The following FAT4 variants were observed in gnomAD, a reference collection of about 807,000 sequenced individuals.
The protein encoded by FAT4 is protocadherin Fat 4.
FAT4 carries 84 observed loss-of-function variants against 303.9 expected under a neutral mutation model. That is an observed-to-expected ratio of 0.28 (90% CI 0.23 to 0.33). The LOEUF (loss-of-function observed/expected upper bound fraction) is 0.33. Among genes scored for constraint, FAT4 ranks in the 10% least tolerant of loss-of-function variants. The pLI is 1.00. For synonymous variants in FAT4, 2,307 were observed against 2,298.8 expected, an observed-to-expected ratio of 1.00 and a Z score of -0.10; for missense variants, 6,005 against 6,146.8, an observed-to-expected ratio of 0.98 and a Z score of 0.77.
rs779545626 is a variant in FAT4, at chr4:125,321,184, G to A, written c.4773G>A (p.Val1591=). The A allele has an allele frequency of 5.5e-5, 88 of 1,614,020 alleles. No individual in the cohort carries two copies. The highest frequency in any genetic ancestry group is 6.7e-5 in the Admixed American group (4 of 60,004). Reference sequence around the variant, plus strand: ...ACCTGAGAGTGGCTTCAGCGTTGGTGCCTTCACAGTTGATCTACAATCTCA... The same window carrying A: ...ACCTGAGAGTGGCTTCAGCGTTGGTACCTTCACAGTTGATCTACAATCTCA... ...SGDLRVASAL[V]PSQLIYNLIV... is the part of the protein sequence containing the mutation. The change falls in exon 2 of 18, where the codon GTG becomes GTA. Residue 1591 remains valine (V), a synonymous_variant. Coordinates refer to ENST00000394329, the MANE Select transcript of FAT4 (RefSeq NM_001291303.3).
Position 125,479,769 on chromosome 4 carries a change from C to T in FAT4, c.12508C>T (p.Arg4170Cys), listed in dbSNP as rs540573222. The stretch of plus-strand genomic sequence containing the variant: ...CCCTAGGCTGGAAGGCGCTTGTACT[C>T]GCAGCCCATGCCAACATGGTGGCAC... ...QCPRLEGACT[R>C]SPCQHGGTCM... Residue 4170 changes from arginine to cysteine, a missense_variant, in exon 15 of 18, where the codon CGC becomes TGC. By Grantham distance (180) the Arg-to-Cys change is radical. Transcript: ENST00000394329. 31 of 1,598,258 alleles carry T rather than the reference C, an allele frequency of 1.9e-5. No homozygotes were observed. Among genetic ancestry groups the T allele is most frequent in the East Asian group, 8.9e-5 (4 of 44,806 alleles).
intron 3 of FAT4, among the ~76,000 whole-genome samples, chr4:125,403,246 C>T (rs1404198979): frequency 6.6e-6 from 1 of 152,054 alleles, no homozygotes; most frequent in East Asian, 1.9e-4. Flanking sequence ...TCCCAGTGTA[C>T]AGATGAGGAA....
chr4:125,491,331 G>C lies in FAT4; in HGVS notation c.14515G>C (p.Glu4839Gln). The change falls in exon 18 of 18, where the codon GAA (glutamate) becomes CAA (glutamine). Residue 4839 changes from glutamate to glutamine, a missense_variant. Transcript: ENST00000394329. ...TCCAGCGGATGGCATTCCAGCTCCA[G>C]AATCCTCTTCTGATAGTGACTCCCA... ...RNPADGIPAP[E>Q]SSSDSDSHES... 1 of 1,614,184 alleles carries C rather than the reference G, an allele frequency of 6.2e-7. No homozygotes were observed. The highest frequency in any genetic ancestry group is 8.5e-7 in the Non-Finnish European group (1 of 1,180,030).
In FAT4 at chr4:125,455,410, C is replaced by T. The variant is rs537760801; in HGVS notation, c.11800+2600C>T. Among the ~76,000 whole-genome samples the T allele has an allele frequency of 3.3e-5, 5 of 152,154 alleles. No individual in the cohort carries two copies. The South Asian group carries it at 8.3e-4, about 25-fold the overall frequency. ...GTGATAGTTGAAACTCTTAAAAATGCCTTTCCTTACATCATAAAATATTAA... is the reference window on the plus strand; with the variant it reads ...GTGATAGTTGAAACTCTTAAAAATGTCTTTCCTTACATCATAAAATATTAA... On this transcript the variant is annotated intron_variant, in intron 10 of 17. Coordinates refer to ENST00000394329, the MANE Select transcript of FAT4 (RefSeq NM_001291303.3).
intron 6 of FAT4, among the ~76,000 whole-genome samples, chr4:125,416,239 T>A (rs1193770996): frequency 6.6e-6 from 1 of 152,240 alleles, no homozygotes; most frequent in Non-Finnish European, 1.5e-5. Context: ...CCAAAAATGC[T>A]GTGCATTAGC....
chr4:125,461,441 C>T (rs1307640917), intron 10 of FAT4, among the ~76,000 whole-genome samples: 1 of 151,942 alleles, frequency 6.6e-6, no homozygotes, highest in East Asian at 1.9e-4. Flanking sequence ...CATAGCAGTA[C>T]CCTCTACATT....
intron 2 of FAT4, among the ~76,000 whole-genome samples, chr4:125,323,765 T>C (rs1043569082): frequency 6.6e-6 from 1 of 152,226 alleles, no homozygotes; most frequent in African/African-American, 2.4e-5. Context: ...AAATAAGTTA[T>C]ACATTTCCTC....
intron 7 of FAT4, among the ~76,000 whole-genome samples, chr4:125,430,155 T>TAC (rs1725234902): frequency 9.1e-4 from 5 of 5,482 alleles, no homozygotes; most frequent in Non-Finnish European, 2.3e-3. Context: ...GAACTTAAAG[T>TAC]ATAAAAAAAA....
chr4:125,416,945 C>T (rs965357306), intron 7 of FAT4, among the ~76,000 whole-genome samples: 1 of 152,064 alleles, frequency 6.6e-6, no homozygotes, highest in African/African-American at 2.4e-5. Flanking sequence ...AAACTCGTCT[C>T]AAAATAAACA....
chr4:125,470,487 A>G (rs879296713), intron 12 of FAT4, among the ~76,000 whole-genome samples: 1 of 152,166 alleles, frequency 6.6e-6, no homozygotes, highest in Admixed American at 6.5e-5. Flanking sequence ...TAGTGTAACC[A>G]CCTTCATCAA....
chr4:125,466,941 A>AT (rs1185770998), intron 11 of FAT4, among the ~76,000 whole-genome samples: 10 of 150,310 alleles, frequency 6.7e-5, no homozygotes, highest in South Asian at 6.3e-4. Flanking sequence ...TGCCCGGCTA[A>AT]TTTTTTTTTG....
At chr4:125,446,109 A>G in intron 8 of FAT4, 184 bp from the exon 9 acceptor site, 2 of 527,778 alleles carry the variant, frequency 3.8e-6, no homozygotes, top group Non-Finnish European at 6.7e-6. Context: ...AAGACTGTCA[A>G]TGTGATGTTC....
Position 125,487,480 on chromosome 4 carries a change from T to C in FAT4, c.12958T>C (p.Leu4320=), listed in dbSNP as rs766851730. Residue 4320 remains leucine (L), a synonymous_variant, in exon 17 of 18, where the codon TTG becomes CTG. Transcript: ENST00000394329. ...LIGKNGTATV[L]SVDRIYNRDI... is the part of the protein sequence containing the mutation. ...TGGGAAAAATGGAACAGCAACAGTA[T>C]TGTCTGTTGACAGAATATATAACAG... 1.2e-6 allele frequency: 2 copies of C among 1,614,116 alleles called. No individual in the cohort carries two copies. Among genetic ancestry groups the C allele is most frequent in the Non-Finnish European group, 1.7e-6 (2 of 1,179,970 alleles).
Position 125,320,202 on chromosome 4 carries a change from C to G in FAT4, c.3791C>G (p.Ser1264Cys). The change falls in exon 2 of 18, where the codon TCT (serine) becomes TGT (cysteine). Residue 1264 changes from serine to cysteine, a missense_variant. Coordinates refer to ENST00000394329, the MANE Select transcript of FAT4 (RefSeq NM_001291303.3). ...EERQFAIDSTSGQVTLIGKLD... is the reference protein window; with the variant it reads ...EERQFAIDSTCGQVTLIGKLD... ...AGACAGTTTGCTATAGACAGTACCTCTGGTCAGGTAACACTAATTGGCAAA... is the reference window on the plus strand; with the variant it reads ...AGACAGTTTGCTATAGACAGTACCTGTGGTCAGGTAACACTAATTGGCAAA... 6.2e-7 allele frequency: 1 copy of G among 1,613,512 alleles called. No homozygotes were observed. Among genetic ancestry groups the G allele is most frequent in the Non-Finnish European group, 8.5e-7 (1 of 1,179,420 alleles).
rs764862207 is a variant in FAT4 at position 125,398,765 on chromosome 4, G to T, written c.5176-19G>T. ...GACACGTGGGAGTCATTCACACATTGTTTCCTTTTTCTTTGTAGGTAGAAA... is the reference window on the plus strand; with the variant it reads ...GACACGTGGGAGTCATTCACACATTTTTTCCTTTTTCTTTGTAGGTAGAAA... On this transcript the variant is annotated intron_variant, in intron 2 of 17. Coordinates refer to ENST00000394329, the MANE Select transcript of FAT4 (RefSeq NM_001291303.3). 2.2e-5 allele frequency: 35 copies of T among 1,611,824 alleles called. 1 individual carries two copies. The highest frequency in any genetic ancestry group is 2.9e-5 in the Non-Finnish European group (34 of 1,178,584).
At chr4:125,377,288 T>C (rs1211883534) in intron 2 of FAT4, among the ~76,000 whole-genome samples, 1 of 152,146 alleles carries the variant, frequency 6.6e-6, no homozygotes, top group African/African-American at 2.4e-5. Context: ...TTATATTTCA[T>C]ATGTAGCTAC....
At chr4:125,454,520 G>A (rs1013630175) in intron 10 of FAT4, among the ~76,000 whole-genome samples, 7 of 149,416 alleles carry the variant, frequency 4.7e-5, no homozygotes, top group African/African-American at 1.8e-4. Context: ...TTTGTAATGA[G>A]TAAATATAAT....
At position 125,490,784 on chromosome 4, in the gene FAT4, C is replaced by G; in HGVS notation, c.13968C>G (p.His4656Gln). 1 of 1,614,140 alleles carries G rather than the reference C, an allele frequency of 6.2e-7. No homozygotes were observed. Among genetic ancestry groups the G allele is most frequent in the Non-Finnish European group, 8.5e-7 (1 of 1,180,032 alleles). Residue 4656 changes from histidine to glutamine, a missense_variant, in exon 18 of 18, where the codon CAC becomes CAG. Coordinates refer to ENST00000394329, the MANE Select transcript of FAT4 (RefSeq NM_001291303.3). ...SHTPKFSIQR[H>Q]SPLGFARQSP... is the part of the protein sequence containing the mutation. Reference sequence around the variant, plus strand: ...CACCAAAATTTTCAATCCAGAGGCACAGTCCCCTAGGCTTTGCAAGGCAAT... The same window carrying G: ...CACCAAAATTTTCAATCCAGAGGCAGAGTCCCCTAGGCTTTGCAAGGCAAT...
intron 7 of FAT4, among the ~76,000 whole-genome samples, chr4:125,420,504 G>A (rs897232151): frequency 1.3e-5 from 2 of 152,070 alleles, no homozygotes; most frequent in Admixed American, 1.3e-4. Flanking sequence ...ATTGTTTGCA[G>A]ATTTTTTTAA....
Sources: gnomAD v4.1 joint callset for allele counts (sites outside exome capture counted in the v4.1 genomes callset) on GRCh38, gnomAD v4.1.1 for gene constraint, MANE v1.5 for transcripts, NCBI Gene and HGNC (gene_info 2026-07-23, HGNC 2026-07-21) for gene names.